Variants in FLI1 observed in about 807,000 individuals in gnomAD.
FLI1 encodes the protein Friend leukemia integration 1 transcription factor.
A neutral mutation model predicts 53.1 loss-of-function variants in FLI1; 13 were observed. The observed-to-expected ratio is 0.24, with a 90% CI of 0.16 to 0.39. FLI1 has a LOEUF of 0.39. Among genes scored for constraint, FLI1 ranks in the 10% least tolerant of loss-of-function variants. The pLI, the probability that FLI1 is intolerant of heterozygous loss-of-function variation, is 1.00. For missense variants in FLI1, 424 were observed against 600.5 expected (o/e 0.71, Z 3.07); for synonymous variants, 244 against 236.7 (o/e 1.03, Z -0.28).
intron 2 of FLI1, chr11:128,764,667 T>G: frequency 6.5e-7 from 1 of 1,535,474 alleles, no homozygotes; most frequent in Non-Finnish European, 8.7e-7. Flanking sequence ...GCTGCCTCAT[T>G]AAAGAGCAGC....
intron 1 of FLI1, among the ~76,000 whole-genome samples, chr11:128,728,437 T>A (rs760428573): frequency 2.0e-5 from 3 of 152,296 alleles, no homozygotes; most frequent in Non-Finnish European, 4.4e-5. Flanking sequence ...CCTCTGGAGC[T>A]GGACCGCCCT....
At chr11:128,756,170 A>G (rs1313579703) in intron 1 of FLI1, among the ~76,000 whole-genome samples, 5 of 152,254 alleles carry the variant, frequency 3.3e-5, no homozygotes, top group South Asian at 2.1e-4. Context: ...TAGGGTTTCC[A>G]TAACAACATA....
At chr11:128,802,084 C>T (rs551467525) in intron 5 of FLI1, among the ~76,000 whole-genome samples, 1 of 152,262 alleles carries the variant, frequency 6.6e-6, no homozygotes, top group Non-Finnish European at 1.5e-5. Context: ...TGCTAACATC[C>T]ACTGAGGCCA....
intron 3 of FLI1, 126 bp downstream of exon 3, chr11:128,768,398 C>A: frequency 8.2e-7 from 1 of 1,222,150 alleles, no homozygotes; most frequent in Non-Finnish European, 1.2e-6. Flanking sequence ...AAGCTGCACG[C>A]CAGCCGGGAG....
At chr11:128,772,336 G>A (rs1181799178) in intron 3 of FLI1, among the ~76,000 whole-genome samples, 1 of 152,190 alleles carries the variant, frequency 6.6e-6, no homozygotes, top group African/African-American at 2.4e-5. Flanking sequence ...TGCACAGATG[G>A]AATTGCAGTA....
chr11:128,756,164 G>A (rs1940852341), intron 1 of FLI1, among the ~76,000 whole-genome samples: 1 of 152,162 alleles, frequency 6.6e-6, no homozygotes. Context: ...ATTTGCTAGG[G>A]TTTCCATAAC....
Position 128,810,925 on chromosome 11 carries a change from C to T in FLI1, c.1296C>T (p.Pro432=), listed in dbSNP as rs368298758. 1.2e-6 allele frequency: 2 copies of T among 1,613,926 alleles called. No homozygotes were observed. The highest frequency in any genetic ancestry group is 1.3e-5 in the African/African-American group (1 of 74,946). Residue 432 remains proline (P), a synonymous_variant, in exon 9 of 9, where the codon CCC becomes CCT. Transcript: ENST00000527786. This position sits in a 1 kb window ranked among gnomAD's most constrained non-coding sequence, Gnocchi z 6.6. ...CCTCCCCCACGGGGGGAATCTACCC[C>T]AACCCCAACGTCCCCCGCCATCCTA... is the stretch of plus-strand genomic sequence containing the variant. ...YWTSPTGGIY[P]NPNVPRHPNT...
intron 1 of FLI1, among the ~76,000 whole-genome samples, chr11:128,688,122 C>T (rs1027619832): frequency 3.3e-5 from 5 of 152,072 alleles, no homozygotes; most frequent in Non-Finnish European, 5.9e-5. Flanking sequence ...TAAATGGCCC[C>T]GGGGAGGGGA....
In FLI1 at chr11:128,812,794, C is replaced by T. The variant is rs114437685; in HGVS notation, c.*1806C>T. The T allele has an allele frequency of 4.7e-4, 101 of 212,916 alleles. No homozygotes were observed. Among genetic ancestry groups the T allele is most frequent in the African/African-American group, 1.0e-3 (46 of 44,484 alleles). The allele number at this position is 212,916 out of a possible 1,614,324, so 13.2% of individuals were successfully genotyped here. On this transcript the variant is annotated 3_prime_UTR_variant, in exon 9 of 9. Transcript: ENST00000527786. ...TTCTGCCACTCCAGCAAAGAATAAG[C>T]GCCCTGCTTCCTTCAGGTCTCAGAC... is the stretch of plus-strand genomic sequence containing the variant.
chr11:128,712,799 C>T (rs935178374), intron 1 of FLI1, among the ~76,000 whole-genome samples: 1 of 152,172 alleles, frequency 6.6e-6, no homozygotes, highest in Non-Finnish European at 1.5e-5. Context: ...CAAAACATAT[C>T]ATACACTTTC....
intron 1 of FLI1, among the ~76,000 whole-genome samples, chr11:128,741,358 A>T (rs1008613420): frequency 1.3e-5 from 2 of 152,160 alleles, no homozygotes; most frequent in Admixed American, 1.3e-4. Context: ...GTGCCAGTGC[A>T]CTCCAGCCTG....
intron 1 of FLI1, among the ~76,000 whole-genome samples, chr11:128,714,353 A>T (rs901039488): frequency 6.6e-6 from 1 of 152,234 alleles, no homozygotes; most frequent in Non-Finnish European, 1.5e-5. Flanking sequence ...CAGAACAGGG[A>T]GATTCTTCCA....
chr11:128,756,548 C>T (rs1013617160), intron 1 of FLI1, among the ~76,000 whole-genome samples: 1 of 152,180 alleles, frequency 6.6e-6, no homozygotes, highest in Non-Finnish European at 1.5e-5. Flanking sequence ...TAACAGGTGG[C>T]CTAAGAGAAT....
At chr11:128,708,859 G>T (rs747053263) in intron 1 of FLI1, among the ~76,000 whole-genome samples, 8 of 152,180 alleles carry the variant, frequency 5.3e-5, no homozygotes, top group Non-Finnish European at 1.2e-4. Context: ...GCAAAGTTCA[G>T]TCAGCCAATA....
chr11:128,713,050 G>A (rs1261471791), intron 1 of FLI1, among the ~76,000 whole-genome samples: 1 of 152,124 alleles, frequency 6.6e-6, no homozygotes, highest in African/African-American at 2.4e-5. Flanking sequence ...ACATCATTGC[G>A]AAGGTCAATC....
chr11:128,751,675 C>T (rs1349456648), intron 1 of FLI1, among the ~76,000 whole-genome samples: 6 of 151,802 alleles, frequency 4.0e-5, no homozygotes, highest in Non-Finnish European at 7.4e-5. Context: ...TACAGGCACC[C>T]GCCACCACGC....
chr11:128,698,489 T>A (rs1411475688), intron 1 of FLI1, among the ~76,000 whole-genome samples: 1 of 152,178 alleles, frequency 6.6e-6, no homozygotes, highest in African/African-American at 2.4e-5. Flanking sequence ...TTAGAGAGTG[T>A]TTAGCTTGAA....
At chr11:128,784,306 A>C (rs1490915684) in intron 5 of FLI1, among the ~76,000 whole-genome samples, 1 of 140,590 alleles carries the variant, frequency 7.1e-6, no homozygotes. Flanking sequence ...TCTACCTGCC[A>C]TACACATTTC....
At chr11:128,695,098 G>GC (rs1303326181) in intron 1 of FLI1, among the ~76,000 whole-genome samples, 1 of 152,034 alleles carries the variant, frequency 6.6e-6, no homozygotes, top group Non-Finnish European at 1.5e-5. Flanking sequence ...CTTCGGAGCC[G>GC]CCTCCGTTGC....
Sources: gnomAD v4.1 joint callset for allele counts (sites outside exome capture counted in the v4.1 genomes callset) on GRCh38, gnomAD v4.1.1 for gene constraint, Gnocchi (gnomAD v3.1) non-coding constraint, MANE v1.5 for transcripts, NCBI Gene and HGNC (gene_info 2026-07-23, HGNC 2026-07-21) for gene names.